MACROD2: variants seen among roughly 807,000 people sequenced by gnomAD.
The protein encoded by MACROD2 is mono-ADP ribosylhydrolase 2.
A neutral mutation model predicts 70.4 loss-of-function variants in MACROD2; 36 were observed. The observed-to-expected ratio is 0.51, with a 90% CI of 0.39 to 0.68. The LOEUF is 0.68. Among genes scored for constraint, MACROD2 ranks in the 30% least tolerant of loss-of-function variants. The pLI, the probability that MACROD2 is intolerant of heterozygous loss-of-function variation, is 0.00. For missense variants in MACROD2, 496 were observed against 538.4 expected (o/e 0.92, Z 0.78); for synonymous variants, 172 against 178.8 (o/e 0.96, Z 0.30).
intron 5 of MACROD2, among the ~76,000 whole-genome samples, chr20:14,777,890 G>A (rs181541576): frequency 2.6e-5 from 4 of 152,190 alleles, no homozygotes; most frequent in African/African-American, 7.2e-5. Flanking sequence ...ATGAGATCTT[G>A]TGTTAATTCA....
intron 8 of MACROD2, among the ~76,000 whole-genome samples, chr20:15,655,357 T>C (rs2049714154): frequency 6.6e-6 from 1 of 151,118 alleles, no homozygotes; most frequent in Admixed American, 6.6e-5. Context: ...TCTTTCTCTG[T>C]TGATTTACCG....
intron 6 of MACROD2, among the ~76,000 whole-genome samples, chr20:15,327,904 G>A (rs1460145614): frequency 3.3e-5 from 5 of 151,984 alleles, no homozygotes; most frequent in Non-Finnish European, 7.4e-5. Flanking sequence ...ACTGGTCTAG[G>A]TACTTGACAC....
At chr20:15,492,578 A>G (rs962150331) in intron 7 of MACROD2, among the ~76,000 whole-genome samples, 3 of 152,190 alleles carry the variant, frequency 2.0e-5, no homozygotes, top group African/African-American at 7.2e-5. Flanking sequence ...GCAAAGTGTA[A>G]TTTTGCATTG....
chr20:15,514,550 G>A (rs2047541985), intron 8 of MACROD2, among the ~76,000 whole-genome samples: 1 of 152,076 alleles, frequency 6.6e-6, no homozygotes, highest in Non-Finnish European at 1.5e-5. Context: ...TGTAGCACCA[G>A]GTTTGTATAA....
chr20:15,055,017 T>G (rs2123063115), intron 5 of MACROD2, among the ~76,000 whole-genome samples: 1 of 149,702 alleles, frequency 6.7e-6, no homozygotes, highest in East Asian at 2.0e-4. Flanking sequence ...TGGTGTGATC[T>G]TGGCTCCCTG....
intron 8 of MACROD2, among the ~76,000 whole-genome samples, chr20:15,608,951 C>T (rs2048929835): frequency 6.6e-6 from 1 of 152,144 alleles, no homozygotes; most frequent in Non-Finnish European, 1.5e-5. Flanking sequence ...TAATTTCTCT[C>T]CCCTTATGTG....
chr20:14,557,818 G>A (rs1052739385), intron 4 of MACROD2, among the ~76,000 whole-genome samples: 1 of 151,778 alleles, frequency 6.6e-6, no homozygotes, highest in Admixed American at 6.6e-5. Context: ...TGGTATAGCA[G>A]TTCATCAAAT....
intron 3 of MACROD2, among the ~76,000 whole-genome samples, chr20:14,164,464 G>C (rs2055236441): frequency 6.6e-6 from 1 of 152,180 alleles, no homozygotes; most frequent in Non-Finnish European, 1.5e-5. Flanking sequence ...GGCAGTGTGG[G>C]TCAGGCAGGT....
At chr20:15,689,125 G>A (rs535012185) in intron 8 of MACROD2, among the ~76,000 whole-genome samples, 13 of 152,270 alleles carry the variant, frequency 8.5e-5, no homozygotes, top group Non-Finnish European at 1.5e-4. Context: ...CCAACATGGC[G>A]AAAACTTGTC....
At chr20:15,315,149 C>T (rs1209361889) in intron 6 of MACROD2, among the ~76,000 whole-genome samples, 1 of 152,040 alleles carries the variant, frequency 6.6e-6, no homozygotes, top group Non-Finnish European at 1.5e-5. Context: ...GAAAAGTGAA[C>T]AGAGCCTAAA....
intron 5 of MACROD2, among the ~76,000 whole-genome samples, chr20:14,950,910 G>A (rs956311621): frequency 3.9e-5 from 6 of 152,138 alleles, no homozygotes; most frequent in Non-Finnish European, 7.4e-5. Flanking sequence ...GGACTTACTG[G>A]CCTATGGGAT....
chr20:15,552,469 T>G (rs780983545), intron 8 of MACROD2: 1 of 152,096 alleles, frequency 6.6e-6, no homozygotes. Context: ...GGTTTTGGGG[T>G]GTTTTTGTTT....
chr20:15,018,204 C>T (rs886096888), intron 5 of MACROD2, among the ~76,000 whole-genome samples: 21 of 152,146 alleles, frequency 1.4e-4, no homozygotes, highest in African/African-American at 2.4e-4. Flanking sequence ...AAATTTCTCC[C>T]GCCAGATACC....
chr20:15,481,066 C>G (rs1568838359), intron 7 of MACROD2, among the ~76,000 whole-genome samples: 1 of 152,218 alleles, frequency 6.6e-6, no homozygotes, highest in South Asian at 2.1e-4. Context: ...CCATAGCATT[C>G]TTCAAACATG....
At chr20:15,228,002 C>T (rs369365758) in intron 5 of MACROD2, among the ~76,000 whole-genome samples, 1 of 151,796 alleles carries the variant, frequency 6.6e-6, no homozygotes, top group African/African-American at 2.4e-5. Flanking sequence ...TAACAAGTAG[C>T]CACCAGAGGG....
At chr20:15,168,112 G>C (rs2076397820) in intron 5 of MACROD2, among the ~76,000 whole-genome samples, 1 of 152,166 alleles carries the variant, frequency 6.6e-6, no homozygotes, top group South Asian at 2.1e-4. Context: ...GTGTGTAAGA[G>C]TGGTGTTTAT....
chr20:15,852,560 G>A (rs971564304), intron 8 of MACROD2, among the ~76,000 whole-genome samples: 2 of 152,186 alleles, frequency 1.3e-5, no homozygotes, highest in East Asian at 1.9e-4. Flanking sequence ...GCACAAGTGC[G>A]AACATGGCTA....
At chr20:14,597,993 A>G (rs1449656163) in intron 4 of MACROD2, among the ~76,000 whole-genome samples, 1 of 152,148 alleles carries the variant, frequency 6.6e-6, no homozygotes, top group Admixed American at 6.5e-5. Flanking sequence ...AAGATCTCCA[A>G]CATAAACAAA....
Position 15,509,901 on chromosome 20 carries a change from G to A in MACROD2, c.645+10054G>A, listed in dbSNP as rs141446471. On this transcript the variant is annotated intron_variant, in intron 8 of 17. Transcript: ENST00000684519. The stretch of plus-strand genomic sequence containing the variant: ...CCATGCCTTTGACCATGTCTTCATA[G>A]CACAATCAGACCTGTAAGAAGGCTT... Among the ~76,000 whole-genome samples the A allele has an allele frequency of 2.0e-5, 3 of 152,318 alleles. No homozygotes were observed. The East Asian group carries it at 5.8e-4, about 29-fold the overall frequency.
Sources: allele counts gnomAD v4.1 joint callset (sites outside exome capture counted in the v4.1 genomes callset), GRCh38; gene constraint gnomAD v4.1.1; transcripts MANE v1.5; gene names NCBI Gene and HGNC (gene_info 2026-07-23, HGNC 2026-07-21).